The following CAMTA1 variants were observed in gnomAD, a reference collection of about 807,000 sequenced individuals.
The protein encoded by CAMTA1 is calmodulin binding transcription activator 1, also known as calmodulin-binding transcription activator 1.
A neutral mutation model predicts 170.9 loss-of-function variants in CAMTA1; 27 were observed. The ratio of observed to expected loss-of-function variants is 0.16; its 90% CI spans 0.12 to 0.22. CAMTA1 has a LOEUF of 0.22. CAMTA1 is among the 10% of genes least tolerant of loss of function. The probability of loss-of-function intolerance (pLI) is 1.00; values close to 1 mark genes in which losing one functional copy is unlikely to be tolerated. For synonymous variants in CAMTA1, 833 were observed against 891.5 expected (o/e 0.93, Z 1.17); for missense variants, 1,619 against 2,217.2 (o/e 0.73, Z 5.42).
chr1:6,974,807 C>A (rs534761604), intron 3 of CAMTA1, among the ~76,000 whole-genome samples: 1 of 152,222 alleles, frequency 6.6e-6, no homozygotes, highest in Non-Finnish European at 1.5e-5. Flanking sequence ...GCCACATCCC[C>A]TTAGAATACT....
rs1392689800 is a variant in CAMTA1, at chr1:7,041,539, A to G, written c.235-49765A>G. Among the ~76,000 whole-genome samples the G allele has an allele frequency of 1.3e-5, 2 of 152,248 alleles. No homozygotes were observed. The highest frequency in any genetic ancestry group is 2.4e-5 in the African/African-American group (1 of 41,462). On this transcript the variant is annotated intron_variant, in intron 3 of 22. Coordinates refer to ENST00000303635, the MANE Select transcript of CAMTA1 (RefSeq NM_015215.4). The surrounding 1 kb of genome is among the most constrained non-coding windows in gnomAD (Gnocchi z 5.1). ...CTGAGAAACTCTTACGAAATTAAGC[A>G]TAATGCGAAAACATGCTGAAAAGAC...
At chr1:7,236,687 C>A (rs1213053740) in intron 4 of CAMTA1, among the ~76,000 whole-genome samples, 1 of 152,182 alleles carries the variant, frequency 6.6e-6, no homozygotes, top group Non-Finnish European at 1.5e-5. Context: ...GTAAAGGGCC[C>A]TCCCCGGCAC....
chr1:6,998,307 A>T (rs114083559), intron 3 of CAMTA1, among the ~76,000 whole-genome samples: 2,149 of 152,252 alleles, frequency 0.014, 58 homozygotes, highest in African/African-American at 0.05. Flanking sequence ...GTCTGACCTC[A>T]GGTGATCCGC....
At chr1:7,496,040 C>A (rs1316195572) in intron 6 of CAMTA1, among the ~76,000 whole-genome samples, 1 of 152,158 alleles carries the variant, frequency 6.6e-6, no homozygotes, top group South Asian at 2.1e-4. Flanking sequence ...TGGCCCAGGG[C>A]CAGCTCTCTG....
chr1:7,335,144 G>T (rs1443188171), intron 5 of CAMTA1, among the ~76,000 whole-genome samples: 1,315 of 93,954 alleles, frequency 0.014, 3 homozygotes, highest in Middle Eastern at 0.021. Flanking sequence ...GTGTGTGGGG[G>T]GGGGGGGGGG....
chr1:6,900,917 G>C (rs549817809), intron 3 of CAMTA1, among the ~76,000 whole-genome samples: 1 of 152,298 alleles, frequency 6.6e-6, no homozygotes, highest in African/African-American at 2.4e-5. Flanking sequence ...AGGTTTTTAT[G>C]GAAATGCAAA....
At chr1:7,698,633 C>A (rs1030603971) in intron 11 of CAMTA1, 1 of 150,888 alleles carries the variant, frequency 6.6e-6, no homozygotes, top group African/African-American at 2.4e-5. Flanking sequence ...AGGCTCTCTG[C>A]AAAGCTCCCC....
chr1:7,748,058 G>A lies in CAMTA1; in HGVS notation c.4689+277G>A, dbSNP rs142868393. Among the ~76,000 whole-genome samples the A allele has an allele frequency of 6.8e-3, 1,036 of 152,014 alleles. 13 individuals are homozygous for A. Among genetic ancestry groups the A allele is most frequent in the African/African-American group, 0.024 (990 of 41,462 alleles). On this transcript the variant is annotated intron_variant, in intron 19 of 22. Transcript: ENST00000303635. The surrounding 1 kb of genome is among the most constrained non-coding windows in gnomAD (Gnocchi z 4.7). ...CTCCCGAGTAGCTGGGACTACAGGC[G>A]TGTGCTACCATGCCCAGCTGATTTT... is the stretch of plus-strand genomic sequence containing the variant.
At chr1:6,924,795 C>T (rs543902845) in intron 3 of CAMTA1, among the ~76,000 whole-genome samples, 1 of 152,226 alleles carries the variant, frequency 6.6e-6, no homozygotes, top group East Asian at 1.9e-4. Flanking sequence ...ATTACTATAC[C>T]GGGGAATCTA....
At chr1:6,901,620 C>T (rs755606385) in intron 3 of CAMTA1, among the ~76,000 whole-genome samples, 50 of 152,174 alleles carry the variant, frequency 3.3e-4, no homozygotes, top group Non-Finnish European at 6.8e-4. Context: ...GAATGTTCAA[C>T]AGCGTTATTC....
At chr1:7,589,412 C>G (rs1243540971) in intron 6 of CAMTA1, among the ~76,000 whole-genome samples, 1 of 152,162 alleles carries the variant, frequency 6.6e-6, no homozygotes, top group Non-Finnish European at 1.5e-5. Context: ...GTGACATTTT[C>G]GTGTCATTTC....
In CAMTA1 at chr1:6,899,304, T is replaced by C. The variant is rs1571501868; in HGVS notation, c.234+74094T>C. Among the ~76,000 whole-genome samples, 4 of 152,336 alleles carry C rather than the reference T, an allele frequency of 2.6e-5. No individual in the cohort carries two copies. The South Asian group carries it at 8.3e-4, about 32-fold the overall frequency. ...AGGCTTTCTAAAATAAATGACTGCTTTCTTAATATTTTGAATCCTTTTCTT... is the reference window on the plus strand; with the variant it reads ...AGGCTTTCTAAAATAAATGACTGCTCTCTTAATATTTTGAATCCTTTTCTT... On this transcript the variant is annotated intron_variant, in intron 3 of 22. Transcript: ENST00000303635.
chr1:7,079,107 C>A lies in CAMTA1; in HGVS notation c.235-12197C>A, dbSNP rs531456736. On this transcript the variant is annotated intron_variant, in intron 3 of 22. Transcript: ENST00000303635. ...TCGGAGGTATTTGCATTCTGACCAG[C>A]CCGACTGGGGAGCTGTCCTTGAATA... Among the ~76,000 whole-genome samples the A allele has an allele frequency of 1.2e-3, 179 of 152,262 alleles. 1 individual carries two copies. The highest frequency in any genetic ancestry group is 2.1e-3 in the Non-Finnish European group (144 of 68,024).
chr1:7,245,189 ATATG>A (rs1231169346), intron 4 of CAMTA1, among the ~76,000 whole-genome samples: 138 of 148,944 alleles, frequency 9.3e-4, no homozygotes, highest in African/African-American at 3.0e-3. Context: ...ATATATATAT[ATATG>A]TGTGTGTGTA....
In CAMTA1 at chr1:7,286,533, G is replaced by A. The variant is rs776041282; in HGVS notation, c.438+36907G>A. ...CCTGCTGTCATCCTCTGAGGCTGGG[G>A]AGATGTACCTGTGGCTGACGTTAAT... On this transcript the variant is annotated intron_variant, in intron 5 of 22. Transcript: ENST00000303635. The surrounding 1 kb of genome is among the most constrained non-coding windows in gnomAD (Gnocchi z 4.2). Among the ~76,000 whole-genome samples the A allele has an allele frequency of 1.4e-4, 22 of 152,210 alleles. No individual in the cohort carries two copies. The highest frequency in any genetic ancestry group is 6.2e-4 in the South Asian group (3 of 4,828).
chr1:7,450,955 T>G (rs930520154), intron 5 of CAMTA1, among the ~76,000 whole-genome samples: 1 of 152,178 alleles, frequency 6.6e-6, no homozygotes, highest in Non-Finnish European at 1.5e-5. Context: ...GGACAATCTG[T>G]TATTTCCCCG....
intron 3 of CAMTA1, among the ~76,000 whole-genome samples, chr1:7,019,106 C>T (rs867772686): frequency 3.3e-5 from 5 of 152,288 alleles, no homozygotes; most frequent in South Asian, 4.2e-4. Context: ...GGGAGTGGAG[C>T]GGTGCCTGGG....
chr1:7,520,931 C>G (rs985791600), intron 6 of CAMTA1, among the ~76,000 whole-genome samples: 4 of 147,128 alleles, frequency 2.7e-5, no homozygotes, highest in African/African-American at 1.0e-4. Flanking sequence ...CACACATGCA[C>G]CCACACACCT....
chr1:7,533,666 A>C (rs571558294), intron 6 of CAMTA1, among the ~76,000 whole-genome samples: 1 of 152,190 alleles, frequency 6.6e-6, no homozygotes, highest in African/African-American at 2.4e-5. Flanking sequence ...TAATCCCAGC[A>C]CTTTGGGAGG....
Sources: gnomAD v4.1 joint callset for allele counts (sites outside exome capture counted in the v4.1 genomes callset) on GRCh38, gnomAD v4.1.1 for gene constraint, Gnocchi (gnomAD v3.1) non-coding constraint, MANE v1.5 for transcripts, NCBI Gene and HGNC (gene_info 2026-07-23, HGNC 2026-07-21) for gene names.